CAMKMT: variants seen among roughly 807,000 people sequenced by gnomAD.
CAMKMT encodes calmodulin-lysine N-methyltransferase.
A neutral mutation model predicts 48.0 loss-of-function variants in CAMKMT; 53 were observed. That is an observed-to-expected ratio of 1.10 (90% CI 0.89 to 1.39). CAMKMT has a LOEUF of 1.39. Ranked by LOEUF, CAMKMT falls within the 40% of genes most tolerant of loss-of-function variation. The pLI is 0.00. For synonymous variants in CAMKMT, 165 were observed against 152.3 expected, an observed-to-expected ratio of 1.08 and a Z score of -0.61; for missense variants, 428 against 402.7, an observed-to-expected ratio of 1.06 and a Z score of -0.54.
intron 3 of CAMKMT, among the ~76,000 whole-genome samples, chr2:44,677,660 A>G (rs1213028656): frequency 6.6e-6 from 1 of 152,028 alleles, no homozygotes; most frequent in African/African-American, 2.4e-5. Flanking sequence ...GTGAGCCGAG[A>G]TGGCACCACT....
At chr2:44,376,419 C>CAA (rs567674110) in intron 2 of CAMKMT, among the ~76,000 whole-genome samples, 8 of 104,802 alleles carry the variant, frequency 7.6e-5, no homozygotes, top group Admixed American at 1.0e-4. Flanking sequence ...GACTCTGTAT[C>CAA]AAAAAAAAAA....
At chr2:44,727,946 A>G (rs1442170630) in intron 7 of CAMKMT, among the ~76,000 whole-genome samples, 2 of 152,140 alleles carry the variant, frequency 1.3e-5, no homozygotes, top group African/African-American at 4.8e-5. Flanking sequence ...TTTTAGAGAC[A>G]GGGTTTTACT....
chr2:44,677,937 G>A (rs1675806857), intron 3 of CAMKMT, among the ~76,000 whole-genome samples: 1 of 151,946 alleles, frequency 6.6e-6, no homozygotes, highest in African/African-American at 2.4e-5. Flanking sequence ...AGTTAATGGT[G>A]TCACTAAGGA....
chr2:44,669,604 G>T, intron 3 of CAMKMT, among the ~76,000 whole-genome samples: 1 of 152,066 alleles, frequency 6.6e-6, no homozygotes, highest in South Asian at 2.1e-4. Flanking sequence ...TTGCTAGTCT[G>T]TTCGTTAAGT....
chr2:44,571,904 A>C (rs963723215), intron 3 of CAMKMT, among the ~76,000 whole-genome samples: 1 of 152,230 alleles, frequency 6.6e-6, no homozygotes, highest in Non-Finnish European at 1.5e-5. Flanking sequence ...CATATGAAAT[A>C]ACAAATTCGA....
chr2:44,631,457 G>GAAA, intron 3 of CAMKMT: 1 of 569,358 alleles, frequency 1.8e-6, no homozygotes, highest in Non-Finnish European at 3.1e-6. Flanking sequence ...GTTTAAATAA[G>GAAA]AAAAAAAAAC....
intron 8 of CAMKMT, among the ~76,000 whole-genome samples, chr2:44,750,061 C>G (rs1680090056): frequency 6.6e-6 from 1 of 152,150 alleles, no homozygotes; most frequent in African/African-American, 2.4e-5. Flanking sequence ...GTGAATGGAA[C>G]AGTTTTCCAT....
intron 7 of CAMKMT, among the ~76,000 whole-genome samples, chr2:44,736,283 A>G (rs1053677470): frequency 3.9e-5 from 6 of 152,190 alleles, no homozygotes; most frequent in African/African-American, 1.2e-4. Flanking sequence ...TTCACTGGCT[A>G]TACAATTCTA....
chr2:44,443,882 G>C (rs1439515456), intron 3 of CAMKMT, among the ~76,000 whole-genome samples: 4 of 152,290 alleles, frequency 2.6e-5, no homozygotes, highest in African/African-American at 9.6e-5. Context: ...TGGGCTTAAA[G>C]TCTAATGGCA....
At chr2:44,721,129 C>T (rs879608782) in intron 7 of CAMKMT, among the ~76,000 whole-genome samples, 15 of 152,168 alleles carry the variant, frequency 9.9e-5, no homozygotes, top group Admixed American at 9.2e-4. Context: ...AATTCTCATA[C>T]CTCCTTTTTC....
chr2:44,481,336 A>AT (rs1222581370), intron 3 of CAMKMT, among the ~76,000 whole-genome samples: 3 of 151,990 alleles, frequency 2.0e-5, no homozygotes, highest in Admixed American at 1.3e-4. Context: ...AATTATGTGC[A>AT]TTTTTTTGTC....
chr2:44,637,622 C>CT (rs1673205200), intron 3 of CAMKMT, among the ~76,000 whole-genome samples: 1 of 151,854 alleles, frequency 6.6e-6, no homozygotes, highest in African/African-American at 2.4e-5. Flanking sequence ...GGCTTCTCTA[C>CT]TACAAGCTGT....
At chr2:44,505,742 C>T (rs758831421) in intron 3 of CAMKMT, among the ~76,000 whole-genome samples, 3 of 152,084 alleles carry the variant, frequency 2.0e-5, no homozygotes, top group African/African-American at 2.4e-5. Context: ...TAAGTGGACC[C>T]GTGCAGTTCA....
At chr2:44,743,517 C>A (rs894679626) in intron 7 of CAMKMT, 105 bp from the exon 8 acceptor site, 1 of 742,468 alleles carries the variant, frequency 1.3e-6, no homozygotes, top group Non-Finnish European at 2.3e-6. Context: ...TTTGTATATA[C>A]CTTTTAAATA....
chr2:44,614,756 GA>G (rs1180658430), intron 3 of CAMKMT, among the ~76,000 whole-genome samples: 1 of 151,908 alleles, frequency 6.6e-6, no homozygotes, highest in Non-Finnish European at 1.5e-5. Flanking sequence ...ACTCTAGAGT[GA>G]AAGATGTTCC....
intron 3 of CAMKMT, among the ~76,000 whole-genome samples, chr2:44,483,569 TGTA>T (rs1322593931): frequency 4.6e-5 from 7 of 152,152 alleles, no homozygotes; most frequent in African/African-American, 1.2e-4. Context: ...TTTAGACCAT[TGTA>T]CTTCTAAAGT....
chr2:44,579,107 C>G (rs1669397897), intron 3 of CAMKMT, among the ~76,000 whole-genome samples: 1 of 152,284 alleles, frequency 6.6e-6, no homozygotes, highest in South Asian at 2.1e-4. Context: ...GATTTTATAG[C>G]TGTCATTGGC....
chr2:44,470,635 T>C (rs1361273632), intron 3 of CAMKMT, among the ~76,000 whole-genome samples: 2 of 152,214 alleles, frequency 1.3e-5, no homozygotes, highest in Non-Finnish European at 2.9e-5. Flanking sequence ...AAGCTGATTA[T>C]TGAATTTTGC....
At chr2:44,724,658 T>C (rs1381916977) in intron 7 of CAMKMT, among the ~76,000 whole-genome samples, 1 of 152,228 alleles carries the variant, frequency 6.6e-6, no homozygotes, top group Non-Finnish European at 1.5e-5. Flanking sequence ...TTCACTCTCA[T>C]GTGAGAGCTT....
Sources: allele counts gnomAD v4.1 joint callset (sites outside exome capture counted in the v4.1 genomes callset), GRCh38; gene constraint gnomAD v4.1.1; transcripts MANE v1.5; gene names NCBI Gene and HGNC (gene_info 2026-07-23, HGNC 2026-07-21).